The following FSIP1 variants were observed in gnomAD, a reference collection of about 807,000 sequenced individuals.
The protein encoded by FSIP1 is fibrous sheath interacting protein 1, also known as fibrous sheath-interacting protein 1.
In FSIP1, 65 loss-of-function variants were observed where a neutral mutation model predicts 60.9. The ratio of observed to expected loss-of-function variants is 1.07; its 90% CI spans 0.87 to 1.31. The LOEUF (loss-of-function observed/expected upper bound fraction) is 1.31. Ranked by LOEUF, FSIP1 falls within the 40% of genes most tolerant of loss-of-function variation. The pLI is 0.00. For missense variants in FSIP1, 675 were observed against 665.5 expected, an observed-to-expected ratio of 1.01 and a Z score of -0.16; for synonymous variants, 209 against 221.2, an observed-to-expected ratio of 0.94 and a Z score of 0.49.
intron 5 of FSIP1, among the ~76,000 whole-genome samples, chr15:39,755,580 G>T (rs1897276487): frequency 1.3e-5 from 2 of 152,110 alleles, no homozygotes; most frequent in Admixed American, 1.3e-4. Context: ...GCCTGTGTCA[G>T]TCAGCACAGT....
chr15:39,773,774 C>G (rs1217282094), intron 2 of FSIP1, among the ~76,000 whole-genome samples: 1 of 152,086 alleles, frequency 6.6e-6, no homozygotes, highest in Non-Finnish European at 1.5e-5. Context: ...AAGCTACATA[C>G]TGTATGATTC....
chr15:39,681,977 C>G (rs1311110966), intron 10 of FSIP1, among the ~76,000 whole-genome samples: 1 of 152,092 alleles, frequency 6.6e-6, no homozygotes, highest in African/African-American at 2.4e-5. Context: ...TGTGTCCAGA[C>G]ACAAACAGGA....
At chr15:39,628,557 C>T (rs947564946) in intron 10 of FSIP1, among the ~76,000 whole-genome samples, 2 of 152,146 alleles carry the variant, frequency 1.3e-5, no homozygotes, top group Admixed American at 6.5e-5. Context: ...ACATCTTAGA[C>T]GCATCTCCAG....
At chr15:39,761,348 A>T (rs367867156) in intron 5 of FSIP1, among the ~76,000 whole-genome samples, 1 of 152,244 alleles carries the variant, frequency 6.6e-6, no homozygotes, top group Non-Finnish European at 1.5e-5. Flanking sequence ...TGAATGGATA[A>T]AGAAAATGTG....
At chr15:39,774,018 G>GA (rs1363594931) in intron 2 of FSIP1, among the ~76,000 whole-genome samples, 4 of 152,172 alleles carry the variant, frequency 2.6e-5, no homozygotes, top group Non-Finnish European at 5.9e-5. Flanking sequence ...TATTGTATGT[G>GA]ACTTTTTTTA....
At chr15:39,609,373 T>C (rs1890941941) in intron 11 of FSIP1, among the ~76,000 whole-genome samples, 2 of 152,156 alleles carry the variant, frequency 1.3e-5, no homozygotes, top group Admixed American at 1.3e-4. Flanking sequence ...GGTCAGTGAT[T>C]ACCTAAGGAG....
Position 39,765,720 on chromosome 15 carries a change from A to C in FSIP1, c.337T>G (p.Ser113Ala), listed in dbSNP as rs562343533. Reference sequence around the variant, plus strand: ...TTCTGAATAGCATCTTGAAGTTGAGAATCTAATTCTTTTAATTTGGGTTCA... The same window carrying C: ...TTCTGAATAGCATCTTGAAGTTGAGCATCTAATTCTTTTAATTTGGGTTCA... ...SDEPKLKELD[S>A]QLQDAIQKMK... is the part of the protein sequence containing the mutation. The change falls in exon 4 of 12, where the codon TCT becomes GCT. Residue 113 changes from serine to alanine, a missense_variant. By Grantham distance (99) the Ser-to-Ala change is moderately conservative. Transcript: ENST00000350221. The C allele has an allele frequency of 6.5e-7, 1 of 1,544,386 alleles. No individual in the cohort carries two copies. Among genetic ancestry groups the C allele is most frequent in the African/African-American group, 1.4e-5 (1 of 72,346 alleles).
At chr15:39,751,708 T>C (rs900144302) in intron 5 of FSIP1, among the ~76,000 whole-genome samples, 25 of 151,828 alleles carry the variant, frequency 1.6e-4, no homozygotes, top group African/African-American at 4.4e-4. Flanking sequence ...AAATAGCAGA[T>C]ATGTAGGACT....
At chr15:39,761,450 C>G (rs540712933) in intron 5 of FSIP1, among the ~76,000 whole-genome samples, 2 of 152,244 alleles carry the variant, frequency 1.3e-5, no homozygotes, top group South Asian at 4.1e-4. Context: ...GGACATTATG[C>G]CAAGCAAAAT....
intron 10 of FSIP1, among the ~76,000 whole-genome samples, chr15:39,627,006 A>AG (rs200923944): frequency 0.011 from 1,733 of 152,248 alleles, 42 homozygotes; most frequent in African/African-American, 0.039. Flanking sequence ...GAGAACACTC[A>AG]GCTAGGCCCC....
intron 10 of FSIP1, among the ~76,000 whole-genome samples, chr15:39,662,345 C>T (rs1893329536): frequency 6.6e-6 from 1 of 152,008 alleles, no homozygotes; most frequent in African/African-American, 2.4e-5. Flanking sequence ...AGTTTAGCTA[C>T]AAGTATAAAG....
intron 10 of FSIP1, among the ~76,000 whole-genome samples, chr15:39,705,951 T>C (rs890548916): frequency 1.4e-5 from 2 of 145,222 alleles, no homozygotes; most frequent in African/African-American, 2.6e-5. Flanking sequence ...TGAGCTGAGA[T>C]CATGCCATTG....
chr15:39,627,163 T>C (rs1258602667), intron 10 of FSIP1, among the ~76,000 whole-genome samples: 2 of 152,298 alleles, frequency 1.3e-5, no homozygotes, highest in East Asian at 3.9e-4. Flanking sequence ...CTGCTCAACG[T>C]GACTGGATTC....
At chr15:39,740,721 T>C (rs1000329319) in intron 6 of FSIP1, among the ~76,000 whole-genome samples, 3 of 152,188 alleles carry the variant, frequency 2.0e-5, no homozygotes, top group Non-Finnish European at 4.4e-5. Flanking sequence ...AACTGGTGTG[T>C]TTATAGCTAG....
intron 10 of FSIP1, among the ~76,000 whole-genome samples, chr15:39,685,256 C>CA (rs900810787): frequency 6.7e-5 from 10 of 150,338 alleles, no homozygotes; most frequent in African/African-American, 1.2e-4. Context: ...ATTTCCATGA[C>CA]AAAAAAAAAT....
At chr15:39,680,355 G>A (rs1894110935) in intron 10 of FSIP1, among the ~76,000 whole-genome samples, 1 of 152,192 alleles carries the variant, frequency 6.6e-6, no homozygotes, top group African/African-American at 2.4e-5. Flanking sequence ...GGGTGGCAGG[G>A]ACTGTGAGTT....
At chr15:39,770,367 T>C (rs1474155716) in intron 3 of FSIP1, 60 bp downstream of exon 3, 2 of 1,278,232 alleles carry the variant, frequency 1.6e-6, no homozygotes, top group Non-Finnish European at 2.1e-6. Flanking sequence ...AAATATAACA[T>C]TTGTAATAAT....
intron 10 of FSIP1, among the ~76,000 whole-genome samples, chr15:39,687,956 C>T (rs1373059258): frequency 6.6e-6 from 1 of 152,006 alleles, no homozygotes; most frequent in Non-Finnish European, 1.5e-5. Context: ...AATTTGGAAC[C>T]AAACCAAGCC....
At chr15:39,645,894 C>T (rs1452336227) in intron 10 of FSIP1, among the ~76,000 whole-genome samples, 1 of 152,214 alleles carries the variant, frequency 6.6e-6, no homozygotes, top group Non-Finnish European at 1.5e-5. Context: ...TGGAAGGGGG[C>T]AGGGTCCCCA....
Sources: allele counts gnomAD v4.1 joint callset (sites outside exome capture counted in the v4.1 genomes callset), GRCh38; gene constraint gnomAD v4.1.1; transcripts MANE v1.5; gene names NCBI Gene and HGNC (gene_info 2026-07-23, HGNC 2026-07-21).